DYSF: variants seen among roughly 807,000 people sequenced by gnomAD.
The protein encoded by DYSF is dysferlin.
A neutral mutation model predicts 274.9 loss-of-function variants in DYSF; 212 were observed. The observed-to-expected ratio is 0.77, with a 90% CI of 0.69 to 0.86. The LOEUF (loss-of-function observed/expected upper bound fraction) is 0.86, where lower values mean the gene tolerates loss of function less well. Among genes scored for constraint, DYSF ranks in the 40% least tolerant of loss-of-function variants. DYSF has a pLI of 0.00. For synonymous variants in DYSF, 1,091 were observed against 1,078.7 expected (o/e 1.01, Z -0.22); for missense variants, 2,666 against 2,783.2 (o/e 0.96, Z 0.95).
chr2:71,653,456 T>C (rs1378687501), intron 42 of DYSF, among the ~76,000 whole-genome samples: 2 of 151,972 alleles, frequency 1.3e-5, no homozygotes, highest in Non-Finnish European at 2.9e-5. Flanking sequence ...GTGGCACATA[T>C]ACACCATGGA....
At chr2:71,528,517 AGGAGTGGCTGATCCT>A (rs1396764295) in intron 14 of DYSF, 116 bp downstream of exon 14, 5 of 876,782 alleles carry the variant, frequency 5.7e-6, no homozygotes, top group African/African-American at 4.9e-5. Flanking sequence ...TGTGTGCACA[AGGAGTGGCTGATCCT>A]GGTGCGTGGT....
chr2:71,476,009 C>T (rs746466057), intron 1 of DYSF, among the ~76,000 whole-genome samples: 76 of 152,214 alleles, frequency 5.0e-4, no homozygotes, highest in Non-Finnish European at 8.1e-4. Flanking sequence ...TGTCCTCAGG[C>T]GATCCTCCCA....
intron 54 of DYSF, among the ~76,000 whole-genome samples, chr2:71,681,882 C>T (rs553618157): frequency 2.0e-5 from 3 of 152,212 alleles, no homozygotes; most frequent in Non-Finnish European, 4.4e-5. Flanking sequence ...GCTGGCAGAG[C>T]AGTGAGAGGC....
chr2:71,471,776 C>A (rs1026395153), intron 1 of DYSF, among the ~76,000 whole-genome samples: 2 of 152,094 alleles, frequency 1.3e-5, no homozygotes, highest in African/African-American at 4.8e-5. Flanking sequence ...TCCAGGCCAG[C>A]CAACAGGGTG....
Position 71,516,256 on chromosome 2 carries a change from G to C in DYSF, c.951+14G>C. ...ATCTTTATCACGGTATGTCTCAGCAGTCAAAGTGTTCTCCGTGGGCTGTAT... is the reference window on the plus strand; with the variant it reads ...ATCTTTATCACGGTATGTCTCAGCACTCAAAGTGTTCTCCGTGGGCTGTAT... On this transcript the variant is annotated intron_variant, in intron 9 of 55. Transcript: ENST00000410020. 6.2e-7 allele frequency: 1 copy of C among 1,613,732 alleles called. No individual in the cohort carries two copies. Among genetic ancestry groups the C allele is most frequent in the South Asian group, 1.1e-5 (1 of 91,070 alleles).
chr2:71,583,512 C>T (rs2092964574), intron 30 of DYSF, among the ~76,000 whole-genome samples: 1 of 152,196 alleles, frequency 6.6e-6, no homozygotes, highest in African/African-American at 2.4e-5. Flanking sequence ...CTTTCCCCTG[C>T]CTGCTCAGCC....
intron 19 of DYSF, among the ~76,000 whole-genome samples, chr2:71,552,254 G>A (rs779307989): frequency 6.6e-6 from 1 of 152,212 alleles, no homozygotes; most frequent in Non-Finnish European, 1.5e-5. Context: ...ACAGTGGTCA[G>A]ATCGCTCTGG....
At chr2:71,629,055 T>A (rs2094265086) in intron 41 of DYSF, among the ~76,000 whole-genome samples, 1 of 152,246 alleles carries the variant, frequency 6.6e-6, no homozygotes. Context: ...CTTCAAATGT[T>A]ACAGATTCCA....
In DYSF at chr2:71,520,710, T is replaced by G. The variant is rs573587090; in HGVS notation, c.1034-79T>G. The G allele has an allele frequency of 4.3e-5, 54 of 1,248,256 alleles. No individual in the cohort carries two copies. In the African/African-American group the frequency reaches 7.2e-4, roughly 17 times the overall value. The allele number at this position is 1,248,256 out of a possible 1,614,324, so 77.3% of individuals were successfully genotyped here. A position where few individuals can be genotyped will look rare whatever the true frequency, so the allele number is the denominator to read the frequency against. On this transcript the variant is annotated intron_variant, in intron 11 of 55. Coordinates refer to ENST00000410020, the MANE Select transcript of DYSF (RefSeq NM_001130987.2). ...TGAGTCCTTTACCTCCCCTGTGCAG[T>G]CCATCCTGGGTTCCCGGATGTGGCC...
chr2:71,618,604 G>GTGTGTGTGT (rs762202789), intron 40 of DYSF, among the ~76,000 whole-genome samples: 5 of 26,392 alleles, frequency 1.9e-4, no homozygotes, highest in African/African-American at 3.4e-4. Context: ...TGGTAGAGGT[G>GTGTGTGTGT]GTGGGTGTGG....
intron 3 of DYSF, among the ~76,000 whole-genome samples, chr2:71,490,158 TA>T (rs1024071805): frequency 1.6e-4 from 24 of 152,248 alleles, no homozygotes; most frequent in African/African-American, 5.1e-4. Context: ...TGCATTTTTT[TA>T]AATTTAAAAC....
rs1380587873 is a variant in DYSF, at chr2:71,602,778, G to C, written c.3930G>C (p.Val1310=). The C allele has an allele frequency of 6.2e-7, 1 of 1,613,364 alleles. No individual in the cohort carries two copies. The highest frequency in any genetic ancestry group is 8.5e-7 in the Non-Finnish European group (1 of 1,179,886). ...PAIHHIPGFE[V]QETSRILDES... ...CACATCCCATGGCTGTGGGCCAGGT[G>C]CAGGAGACATCAAGGATCCTGGATG... Residue 1310 remains valine (V), a splice_region_variant and synonymous_variant, in exon 36 of 56, where the codon GTG becomes GTC. Transcript: ENST00000410020.
chr2:71,520,988 ATT>A, intron 12 of DYSF, 84 bp downstream of exon 12: 1 of 1,109,410 alleles, frequency 9.0e-7, no homozygotes, highest in Non-Finnish European at 1.3e-6. Flanking sequence ...CAAAAACTCT[ATT>A]TTTTTTTCTG....
At chr2:71,544,377 C>G (rs1018629632) in intron 17 of DYSF, among the ~76,000 whole-genome samples, 1 of 152,008 alleles carries the variant, frequency 6.6e-6, no homozygotes, top group Non-Finnish European at 1.5e-5. Context: ...AGATCGTCTC[C>G]AGATTCTAGA....
At chr2:71,599,975 G>A (rs555339367) in intron 33 of DYSF, among the ~76,000 whole-genome samples, 18 of 152,286 alleles carry the variant, frequency 1.2e-4, no homozygotes, top group Admixed American at 3.3e-4. Flanking sequence ...GGGACTGTTT[G>A]GAGAAGGGCA....
At position 71,480,926 on chromosome 2, in the gene DYSF, T is replaced by C. The variant is rs886043852; in HGVS notation, c.135T>C (p.Pro45=). The C allele has an allele frequency of 3.3e-5, 53 of 1,614,014 alleles. No homozygotes were observed. The highest frequency in any genetic ancestry group is 4.2e-5 in the Non-Finnish European group (49 of 1,179,948). ...RTKVIKNSVN[P]VWNEGFEWDL... Reference sequence around the variant, plus strand: ...AAGTCATCAAGAACAGCGTGAACCCTGTATGGAATGAGGTATGTGAGTTTT... The same window carrying C: ...AAGTCATCAAGAACAGCGTGAACCCCGTATGGAATGAGGTATGTGAGTTTT... Residue 45 remains proline (P), a synonymous_variant, in exon 2 of 56, where the codon CCT becomes CCC. Coordinates refer to ENST00000410020, the MANE Select transcript of DYSF (RefSeq NM_001130987.2).
chr2:71,481,007 G>A (rs1353333608), intron 2 of DYSF, 69 bp downstream of exon 2: 8 of 1,480,634 alleles, frequency 5.4e-6, no homozygotes, highest in Non-Finnish European at 7.5e-6. Flanking sequence ...CAAGTTAGGG[G>A]GCTTGTGGAG....
At chr2:71,611,422 G>T (rs771351823) in intron 37 of DYSF, 43 bp from the exon 38 acceptor site, 3 of 1,613,988 alleles carry the variant, frequency 1.9e-6, no homozygotes, top group African/African-American at 1.3e-5. Context: ...CTTTCCTGGG[G>T]CCCGGGGCCT....
chr2:71,546,715 T>A (rs150704831), intron 17 of DYSF, among the ~76,000 whole-genome samples: 2 of 152,346 alleles, frequency 1.3e-5, no homozygotes, highest in East Asian at 3.9e-4. Context: ...AGTTAAGAAA[T>A]CCAAAGTTAG....
Sources: gnomAD v4.1 joint callset for allele counts (sites outside exome capture counted in the v4.1 genomes callset) on GRCh38, gnomAD v4.1.1 for gene constraint, MANE v1.5 for transcripts, NCBI Gene and HGNC (gene_info 2026-07-23, HGNC 2026-07-21) for gene names.